Variants in OPCML observed in about 807,000 individuals in gnomAD.
OPCML encodes opioid binding protein/cell adhesion molecule like, also known as opioid-binding protein/cell adhesion molecule.
In OPCML, 13 loss-of-function variants were observed where a neutral mutation model predicts 37.8. The ratio of observed to expected loss-of-function variants is 0.34; its 90% confidence interval spans 0.22 to 0.55. The LOEUF (loss-of-function observed/expected upper bound fraction) is 0.55, where lower values mean the gene tolerates loss of function less well. Among genes scored for constraint, OPCML ranks in the 20% least tolerant of loss-of-function variants. The pLI, the probability that OPCML is intolerant of heterozygous loss-of-function variation, is 0.91. For missense variants in OPCML, 341 were observed against 435.6 expected (o/e 0.78, Z 1.93); for synonymous variants, 176 against 168.8 (o/e 1.04, Z -0.33).
chr11:132,630,696 T>C (rs537553466), intron 3 of OPCML, among the ~76,000 whole-genome samples: 1 of 152,282 alleles, frequency 6.6e-6, no homozygotes, highest in East Asian at 1.9e-4. Flanking sequence ...AAATGTACAA[T>C]GATTGTAAAA....
chr11:133,406,809 C>T (rs529511708), intron 1 of OPCML, among the ~76,000 whole-genome samples: 5 of 152,286 alleles, frequency 3.3e-5, no homozygotes, highest in Non-Finnish European at 4.4e-5. Flanking sequence ...GCAGGCCATC[C>T]GGCTGGAATG....
At position 132,575,462 on chromosome 11, in the gene OPCML, G is replaced by C. The variant is rs571619119; in HGVS notation, c.380-46276C>G. Among the ~76,000 whole-genome samples, 80 of 151,996 alleles carry C rather than the reference G, an allele frequency of 5.3e-4. 1 individual carries two copies. The highest frequency in any genetic ancestry group is 1.9e-3 in the African/African-American group (77 of 41,542). Reference sequence around the variant, plus strand: ...TACCTTGGAGCTTACACAAGACATAGACATAAGAGTCTAATTTAAGCTGAT... The same window carrying C: ...TACCTTGGAGCTTACACAAGACATACACATAAGAGTCTAATTTAAGCTGAT... On this transcript the variant is annotated intron_variant, in intron 3 of 7. Transcript: ENST00000524381.
chr11:132,562,340 A>C (rs1219021503), intron 3 of OPCML, among the ~76,000 whole-genome samples: 1 of 152,024 alleles, frequency 6.6e-6, no homozygotes, highest in East Asian at 1.9e-4. Flanking sequence ...AAAAAAAAAA[A>C]GTCTAGTATG....
In OPCML at chr11:133,211,403, G is replaced by T. The variant is rs892299359; in HGVS notation, c.62-268393C>A. Among the ~76,000 whole-genome samples the T allele has an allele frequency of 6.6e-6, 1 of 152,148 alleles. No homozygotes were observed. The highest frequency in any genetic ancestry group is 1.5e-5 in the Non-Finnish European group (1 of 68,032). On this transcript the variant is annotated intron_variant, in intron 1 of 7. Transcript: ENST00000524381. This position sits in a 1 kb window ranked among gnomAD's most constrained non-coding sequence, Gnocchi z 4.1. ...TCCCTCTCAAACTGGGAACAATAAG[G>T]CTTCAGAGCCTTGCACCTGTCAGGG...
At chr11:132,961,101 C>G (rs1196538475) in intron 1 of OPCML, among the ~76,000 whole-genome samples, 2 of 152,154 alleles carry the variant, frequency 1.3e-5, no homozygotes, top group Non-Finnish European at 2.9e-5. Flanking sequence ...CCCTCGGCAT[C>G]CTCATCGTAA....
At chr11:132,821,374 T>C (rs183712766) in intron 2 of OPCML, among the ~76,000 whole-genome samples, 1 of 152,260 alleles carries the variant, frequency 6.6e-6, no homozygotes, top group African/African-American at 2.4e-5. Flanking sequence ...TATCCATGCC[T>C]TCCCCAGCTG....
At chr11:132,435,502 A>G (rs1439457116) in intron 7 of OPCML, among the ~76,000 whole-genome samples, 1 of 152,226 alleles carries the variant, frequency 6.6e-6, no homozygotes, top group Non-Finnish European at 1.5e-5. Context: ...AAATGGAGTT[A>G]GGGAGACATA....
chr11:132,829,825 T>G (rs1260350415), intron 2 of OPCML, among the ~76,000 whole-genome samples: 1 of 152,214 alleles, frequency 6.6e-6, no homozygotes, highest in African/African-American at 2.4e-5. Context: ...ATTTTTCTCA[T>G]GTGTTTCTCA....
intron 2 of OPCML, among the ~76,000 whole-genome samples, chr11:132,685,883 G>C (rs1943143602): frequency 6.6e-6 from 1 of 152,170 alleles, no homozygotes; most frequent in African/African-American, 2.4e-5. Context: ...TTAGCCCCCA[G>C]TTCAATGGCA....
At chr11:133,005,842 G>C in intron 1 of OPCML, 6 of 985,386 alleles carry the variant, frequency 6.1e-6, no homozygotes, top group Non-Finnish European at 6.0e-6. Context: ...GCTCTTTGCT[G>C]CCTAGGATCT....
chr11:132,572,600 T>C (rs1252272022), intron 3 of OPCML, among the ~76,000 whole-genome samples: 1 of 152,136 alleles, frequency 6.6e-6, no homozygotes, highest in Non-Finnish European at 1.5e-5. Flanking sequence ...TTCTGTTCCA[T>C]TGGGCTGTAT....
At chr11:133,348,362 T>C (rs79440394) in intron 1 of OPCML, among the ~76,000 whole-genome samples, 6,248 of 152,336 alleles carry the variant, frequency 0.041, 199 homozygotes, top group Middle Eastern at 0.082. Flanking sequence ...TAATGCAATG[T>C]CGTGCATCGA....
rs371924597 is a variant in OPCML, at chr11:133,445,178, G to C, written c.61+87086C>G. Among the ~76,000 whole-genome samples, 972 of 136,980 alleles carry C rather than the reference G, an allele frequency of 7.1e-3. 20 individuals are homozygous for C. The highest frequency in any genetic ancestry group is 0.027 in the African/African-American group (903 of 33,690). The allele number at this position is 136,980 out of a possible 152,430, so 89.9% of individuals were successfully genotyped here. On this transcript the variant is annotated intron_variant, in intron 1 of 7. Coordinates refer to ENST00000524381, the MANE Select transcript of OPCML (RefSeq NM_001012393.5). ...TATGAAAGGTCACCAAGAGACCACAGACCATATCCATGGTGATCCTGGATG... is the reference window on the plus strand; with the variant it reads ...TATGAAAGGTCACCAAGAGACCACACACCATATCCATGGTGATCCTGGATG...
At chr11:132,432,619 C>T (rs2096001060) in intron 7 of OPCML, among the ~76,000 whole-genome samples, 1 of 152,192 alleles carries the variant, frequency 6.6e-6, no homozygotes, top group South Asian at 2.1e-4. Context: ...ACCAATACGT[C>T]CTTTCCATCC....
intron 2 of OPCML, among the ~76,000 whole-genome samples, chr11:132,661,933 T>C (rs1941993156): frequency 6.6e-6 from 1 of 152,198 alleles, no homozygotes; most frequent in African/African-American, 2.4e-5. Context: ...TGGAAGACAC[T>C]TGTACACATT....
At chr11:133,415,846 A>G (rs759513734) in intron 1 of OPCML, among the ~76,000 whole-genome samples, 10 of 152,220 alleles carry the variant, frequency 6.6e-5, no homozygotes, top group Non-Finnish European at 1.5e-4. Context: ...ACGGAAGTCC[A>G]TAGCACGGAC....
chr11:132,727,171 G>A (rs1385743881), intron 2 of OPCML, among the ~76,000 whole-genome samples: 1 of 152,152 alleles, frequency 6.6e-6, no homozygotes, highest in Non-Finnish European at 1.5e-5. Flanking sequence ...GCTATGAAGA[G>A]TTCTGTTTTA....
intron 1 of OPCML, among the ~76,000 whole-genome samples, chr11:133,209,475 G>A (rs902240217): frequency 2.6e-5 from 4 of 152,140 alleles, no homozygotes; most frequent in African/African-American, 4.8e-5. Context: ...GAAACCCATG[G>A]GGCAAATACT....
intron 2 of OPCML, among the ~76,000 whole-genome samples, chr11:132,775,371 T>C (rs2136133855): frequency 6.6e-6 from 1 of 152,338 alleles, no homozygotes; most frequent in East Asian, 1.9e-4. Flanking sequence ...TGATGTGTTG[T>C]GATTGCAACA....
Sources: gnomAD v4.1 joint callset for allele counts (sites outside exome capture counted in the v4.1 genomes callset) on GRCh38, gnomAD v4.1.1 for gene constraint, Gnocchi (gnomAD v3.1) non-coding constraint, MANE v1.5 for transcripts, NCBI Gene and HGNC (gene_info 2026-07-23, HGNC 2026-07-21) for gene names.